Variants in C9orf72 observed in about 807,000 individuals in gnomAD.
C9orf72 encodes C9orf72-SMCR8 complex subunit.
C9orf72 carries 44 observed loss-of-function variants against 51.6 expected under a neutral mutation model. The observed-to-expected ratio is 0.85, with a 90% confidence interval of 0.67 to 1.10. The LOEUF is 1.10. C9orf72 is among the 50% of genes least tolerant of loss of function. The probability of loss-of-function intolerance (pLI) is 0.00; values close to 1 mark genes in which losing one functional copy is unlikely to be tolerated. For synonymous variants in C9orf72, 213 were observed against 194.2 expected (o/e 1.10, Z -0.81); for missense variants, 607 against 570.6 (o/e 1.06, Z -0.65).
intron 5 of C9orf72, chr9:27,561,384 T>C (rs1486414053): frequency 3.8e-6 from 5 of 1,306,986 alleles, no homozygotes; most frequent in South Asian, 2.0e-5. Context: ...TTTCTTTAAA[T>C]AGCAAATGGA....
chr9:27,557,537 C>A lies in C9orf72; in HGVS notation c.856-741G>T, dbSNP rs1282200428. Among the ~76,000 whole-genome samples the A allele has an allele frequency of 1.9e-4, 29 of 151,990 alleles. 1 individual carries two copies. The highest frequency in any genetic ancestry group is 1.5e-5 in the Non-Finnish European group (1 of 67,964). ...ACTATTAAATATTTTTTCATTAGAT[C>A]ATAGTTTTGAAATTTCCTCTAGGCA... On this transcript the variant is annotated intron_variant, in intron 7 of 10. Coordinates refer to ENST00000380003, the MANE Select transcript of C9orf72 (RefSeq NM_018325.5).
intron 8 of C9orf72, chr9:27,554,452 A>G (rs1350297844): frequency 2.5e-6 from 1 of 396,226 alleles, no homozygotes; most frequent in South Asian, 1.4e-4. Flanking sequence ...ATACATGGAC[A>G]CAAAGAAGGA....
intron 3 of C9orf72, among the ~76,000 whole-genome samples, chr9:27,563,953 A>G (rs1298850137): frequency 1.3e-5 from 2 of 152,146 alleles, no homozygotes; most frequent in East Asian, 1.9e-4. Context: ...AAACTAATGC[A>G]TCATCCCCAA....
intron 8 of C9orf72, among the ~76,000 whole-genome samples, chr9:27,554,071 TGTA>T (rs1202710550): frequency 2.6e-5 from 4 of 152,224 alleles, no homozygotes; most frequent in African/African-American, 9.6e-5. Context: ...CTGGCGGGAC[TGTA>T]AATTAGTTTA....
chr9:27,566,219 T>C (rs1819463644), intron 2 of C9orf72, among the ~76,000 whole-genome samples: 1 of 152,176 alleles, frequency 6.6e-6, no homozygotes, highest in Non-Finnish European at 1.5e-5. Context: ...TGGGAACCAT[T>C]CCATTCAACC....
At chr9:27,553,314 T>C (rs1205582700) in intron 8 of C9orf72, among the ~76,000 whole-genome samples, 1 of 152,126 alleles carries the variant, frequency 6.6e-6, no homozygotes, top group Non-Finnish European at 1.5e-5. Context: ...GCCGATTTTA[T>C]ACTAAAAGGC....
At chr9:27,562,156 A>T (rs1157160745) in intron 4 of C9orf72, among the ~76,000 whole-genome samples, 1 of 152,244 alleles carries the variant, frequency 6.6e-6, no homozygotes, top group African/African-American at 2.4e-5. Flanking sequence ...GTAATGAAAT[A>T]AACAAAATGA....
chr9:27,552,187 A>C (rs2131530443), intron 8 of C9orf72, among the ~76,000 whole-genome samples: 1 of 152,310 alleles, frequency 6.6e-6, no homozygotes, highest in South Asian at 2.1e-4. Context: ...AACTATGCTG[A>C]AAAGGAGTGG....
intron 1 of C9orf72, among the ~76,000 whole-genome samples, chr9:27,568,303 G>C (rs1393166997): frequency 2.6e-5 from 4 of 152,102 alleles, no homozygotes; most frequent in South Asian, 4.1e-4. Context: ...ACTGCAAAGA[G>C]AGTTCTACAC....
chr9:27,556,602 C>T lies in C9orf72; in HGVS notation c.1050G>A (p.Gln350=). ...TTTCGTCAGTGTAGATGATCGTATC[C>T]TGAGCCATGTCTTCTTCTGAAGTGG... ...WRATSEEDMA[Q]DTIIYTDESF... The change falls in exon 8 of 11, where the codon CAG becomes CAA. Residue 350 remains glutamine, a synonymous_variant. Coordinates refer to ENST00000380003, the MANE Select transcript of C9orf72 (RefSeq NM_018325.5). The T allele has an allele frequency of 6.2e-7, 1 of 1,613,932 alleles. No homozygotes were observed. Among genetic ancestry groups the T allele is most frequent in the Non-Finnish European group, 8.5e-7 (1 of 1,179,862 alleles).
chr9:27,562,327 T>C, intron 4 of C9orf72, 54 bp downstream of exon 4: 2 of 778,038 alleles, frequency 2.6e-6, no homozygotes, highest in South Asian at 4.4e-5. Context: ...TACATAATAA[T>C]ACTATAACCC....
intron 4 of C9orf72, among the ~76,000 whole-genome samples, 168 bp from the exon 5 acceptor site, chr9:27,561,817 C>T (rs563103054): frequency 6.6e-6 from 1 of 152,130 alleles, no homozygotes; most frequent in Non-Finnish European, 1.5e-5. Flanking sequence ...CCATAAACTT[C>T]AGAAGAACAA....
chr9:27,561,201 G>A (rs1455414834), intron 5 of C9orf72: 1 of 992,272 alleles, frequency 1.0e-6, no homozygotes, highest in Non-Finnish European at 1.2e-6. Flanking sequence ...CTCCACTGCT[G>A]GATGGAAAAA....
Position 27,558,623 on chromosome 9 carries a change from T to C in C9orf72, c.739-16A>G, listed in dbSNP as rs770008724. The C allele has an allele frequency of 5.2e-6, 7 of 1,355,328 alleles. No individual in the cohort carries two copies. The East Asian group carries it at 1.6e-4, about 31-fold the overall frequency. The allele number at this position is 1,355,328 out of a possible 1,614,324, so 84.0% of individuals were successfully genotyped here. A position where few individuals can be genotyped will look rare whatever the true frequency, so the allele number is the denominator to read the frequency against. On this transcript the variant is annotated splice_polypyrimidine_tract_variant and intron_variant, in intron 6 of 10. Coordinates refer to ENST00000380003, the MANE Select transcript of C9orf72 (RefSeq NM_018325.5). ...TTCTGACTATCTATAAAAGAAAATA[T>C]TTTAGCATTAAAACATGAAGTAAAA...
intron 5 of C9orf72, chr9:27,560,543 A>G (rs901243437): frequency 2.9e-6 from 2 of 679,006 alleles, no homozygotes; most frequent in Non-Finnish European, 3.9e-6. Context: ...TCATTTAATT[A>G]ATGTATTTAT....
Position 27,550,718 on chromosome 9 carries a change from GAAGA to G in C9orf72, c.1092-15_1092-12del, listed in dbSNP as rs1563898862. 6.6e-7 allele frequency: 1 copy of G among 1,510,458 alleles called. No homozygotes were observed. Among genetic ancestry groups the G allele is most frequent in the Non-Finnish European group, 9.1e-7 (1 of 1,103,012 alleles). 93.6% of individuals were successfully genotyped at this position (1,510,458 alleles called of 1,614,324 possible). A position where few individuals can be genotyped will look rare whatever the true frequency, so the allele number is the denominator to read the frequency against. On this transcript the variant is annotated splice_polypyrimidine_tract_variant and intron_variant, in intron 8 of 10. Coordinates refer to ENST00000380003, the MANE Select transcript of C9orf72 (RefSeq NM_018325.5). ...TCTTGAAAAATATTCCTGAAGAAAA[GAAGA>G]AAATGAAGAAAAGAAAAAAGTTCAA...
At chr9:27,566,135 T>C (rs1274186584) in intron 2 of C9orf72, among the ~76,000 whole-genome samples, 1 of 152,092 alleles carries the variant, frequency 6.6e-6, no homozygotes, top group Non-Finnish European at 1.5e-5. Context: ...TATACTGAAA[T>C]GTAAATAGCA....
At chr9:27,561,329 A>C in intron 5 of C9orf72, 1 of 1,238,300 alleles carries the variant, frequency 8.1e-7, no homozygotes, top group Non-Finnish European at 1.0e-6. Flanking sequence ...AAGAAACCAG[A>C]ATCAAGCAAG....
intron 6 of C9orf72, 37 bp downstream of exon 6, chr9:27,560,190 A>G (rs771617024): frequency 1.5e-6 from 2 of 1,358,856 alleles, no homozygotes; most frequent in Non-Finnish European, 2.1e-6. Flanking sequence ...TCAGTCTTAA[A>G]GAGTCAAATC....
Sources: gnomAD v4.1 joint callset for allele counts (sites outside exome capture counted in the v4.1 genomes callset) on GRCh38, gnomAD v4.1.1 for gene constraint, MANE v1.5 for transcripts, NCBI Gene and HGNC (gene_info 2026-07-23, HGNC 2026-07-21) for gene names.